TPO: variants seen among roughly 807,000 people sequenced by gnomAD.
TPO encodes the protein thyroid microsomal antigen.
TPO carries 78 observed loss-of-function variants against 96.9 expected under a neutral mutation model. The ratio of observed to expected loss-of-function variants is 0.81; its 90% CI spans 0.67 to 0.97. The LOEUF (loss-of-function observed/expected upper bound fraction) is 0.97. Among genes scored for constraint, TPO ranks in the 50% least tolerant of loss-of-function variants. The pLI is 0.00. For missense variants in TPO, 1,252 were observed against 1,274.8 expected, an observed-to-expected ratio of 0.98 and a Z score of 0.27; for synonymous variants, 547 against 538.0, an observed-to-expected ratio of 1.02 and a Z score of -0.23.
intron 1 of TPO, among the ~76,000 whole-genome samples, chr2:1,407,976 G>A (rs1662271636): frequency 6.6e-6 from 1 of 152,216 alleles, no homozygotes; most frequent in Non-Finnish European, 1.5e-5. Context: ...TTACAGGAAT[G>A]TGATGTGGAC....
chr2:1,484,467 C>G lies in TPO; in HGVS notation c.1339-129C>G. 5 of 1,203,310 alleles carry G rather than the reference C, an allele frequency of 4.2e-6. No homozygotes were observed. The Middle Eastern group carries it at 6.5e-4, about 155-fold the overall frequency. The allele number at this position is 1,203,310 out of a possible 1,614,324, so 74.5% of individuals were successfully genotyped here. ...CATTTCTGGGAAGTTCAGCTGAGGC[C>G]CTTATTACAAGACGAGAAGGGTCCA... On this transcript the variant is annotated intron_variant, in intron 8 of 16. Transcript: ENST00000329066.
intron 7 of TPO, among the ~76,000 whole-genome samples, chr2:1,464,176 C>G (rs1337522608): frequency 6.6e-6 from 1 of 152,176 alleles, no homozygotes; most frequent in South Asian, 2.1e-4. Context: ...AGTTACTTCA[C>G]TTAGAATAAT....
chr2:1,425,190 C>T (rs1191267080), intron 3 of TPO, among the ~76,000 whole-genome samples: 2 of 151,962 alleles, frequency 1.3e-5, no homozygotes, highest in African/African-American at 4.8e-5. Context: ...AGTCCATGCT[C>T]CTTCTGTAAA....
chr2:1,476,147 T>G (rs1669914779), intron 7 of TPO, among the ~76,000 whole-genome samples: 1 of 152,200 alleles, frequency 6.6e-6, no homozygotes, highest in South Asian at 2.1e-4. Context: ...TTTCCCCTTA[T>G]TTTCACTGGT....
chr2:1,519,443 G>A (rs1675028794), intron 15 of TPO, among the ~76,000 whole-genome samples: 1 of 152,140 alleles, frequency 6.6e-6, no homozygotes, highest in African/African-American at 2.4e-5. Context: ...ATCATTACCA[G>A]TGAAGATTGA....
At chr2:1,399,853 C>T (rs192292063) in intron 1 of TPO, among the ~76,000 whole-genome samples, 28 of 152,340 alleles carry the variant, frequency 1.8e-4, no homozygotes, top group African/African-American at 5.8e-4. Context: ...GGCACATCAA[C>T]GGGTGCACAG....
chr2:1,534,395 G>C (rs1200569606), intron 15 of TPO, among the ~76,000 whole-genome samples: 1 of 144,498 alleles, frequency 6.9e-6, no homozygotes, highest in South Asian at 2.2e-4. Context: ...CCAACTGTGT[G>C]CAACCTCCCC....
At chr2:1,418,154 G>A (rs1048916489) in intron 2 of TPO, among the ~76,000 whole-genome samples, 4 of 152,158 alleles carry the variant, frequency 2.6e-5, no homozygotes, top group African/African-American at 9.7e-5. Flanking sequence ...GGGCGTGGTG[G>A]TGCCCACCTG....
intron 1 of TPO, among the ~76,000 whole-genome samples, chr2:1,391,811 CTGTT>C (rs1445793785): frequency 3.3e-5 from 5 of 152,136 alleles, no homozygotes; most frequent in African/African-American, 9.7e-5. Flanking sequence ...ATTTGGCTCT[CTGTT>C]TGTCTGTTGT....
At chr2:1,478,413 C>T (rs890138807) in intron 8 of TPO, 56 of 983,786 alleles carry the variant, frequency 5.7e-5, no homozygotes, top group African/African-American at 1.7e-4. Context: ...GGGAGGTGCG[C>T]GTCAGTCCTG....
intron 15 of TPO, among the ~76,000 whole-genome samples, chr2:1,527,855 C>CGTA (rs1676970395): frequency 7.0e-6 from 1 of 141,928 alleles, no homozygotes; most frequent in Non-Finnish European, 1.5e-5. Flanking sequence ...CTCAAATCCC[C>CGTA]CCCACTGTGT....
intron 5 of TPO, among the ~76,000 whole-genome samples, chr2:1,445,223 T>C (rs1000682606): frequency 4.3e-5 from 6 of 138,910 alleles, no homozygotes; most frequent in East Asian, 2.3e-4. Flanking sequence ...AGTCACCATG[T>C]TGGAAGGGAA....
rs1678219548 is a variant in TPO at position 1,531,440 on chromosome 2, ACCTCCCCAAATCCCTCCCACTGTGTGCAG to A, written c.2619-9140_2619-9112del. On this transcript the variant is annotated intron_variant, in intron 15 of 16. Transcript: ENST00000329066. ...CCCCAAATCCCTCCCACTGTGAGCA[ACCTCCCCAAATCCCTCCCACTGTGTGCAG>A]CCTCCCCAAATCCTCCCGACTCTGT... 9.4e-5 allele frequency among the ~76,000 whole-genome samples: 5 copies of A among 53,236 alleles called. 2 individuals carry two copies. The highest frequency in any genetic ancestry group is 9.4e-4 in the Admixed American group (5 of 5,338). 34.9% of individuals were successfully genotyped at this position (53,236 alleles called of 152,430 possible). A position where few individuals can be genotyped will look rare whatever the true frequency, so the allele number is the denominator to read the frequency against.
At chr2:1,494,742 T>G (rs13430369) in intron 11 of TPO, among the ~76,000 whole-genome samples, 7,020 of 152,276 alleles carry the variant, frequency 0.046, 567 homozygotes, top group African/African-American at 0.16. Context: ...TGCTTTTAAA[T>G]ACATCCCTAC....
chr2:1,398,298 C>T (rs80113555), intron 1 of TPO, among the ~76,000 whole-genome samples: 3,740 of 152,304 alleles, frequency 0.025, 82 homozygotes, highest in Non-Finnish European at 0.042. Context: ...GGGCCCATCT[C>T]CTGACTGCCG....
intron 7 of TPO, among the ~76,000 whole-genome samples, chr2:1,467,686 A>G (rs1228686429): frequency 6.6e-6 from 1 of 152,044 alleles, no homozygotes; most frequent in Non-Finnish European, 1.5e-5. Flanking sequence ...AATGTTCTGT[A>G]AATACCTGTT....
intron 7 of TPO, among the ~76,000 whole-genome samples, chr2:1,460,605 C>A (rs1668339006): frequency 6.6e-6 from 1 of 152,134 alleles, no homozygotes; most frequent in Non-Finnish European, 1.5e-5. Flanking sequence ...TATTTCCCAC[C>A]TAATAATGTA....
chr2:1,472,646 G>A (rs1207316363), intron 7 of TPO, among the ~76,000 whole-genome samples: 1 of 152,030 alleles, frequency 6.6e-6, no homozygotes, highest in Non-Finnish European at 1.5e-5. Flanking sequence ...CTGCCACAGC[G>A]TGGATCACCA....
At chr2:1,531,252 C>A (rs1174258305) in intron 15 of TPO, among the ~76,000 whole-genome samples, 1 of 132,126 alleles carries the variant, frequency 7.6e-6, no homozygotes, top group Non-Finnish European at 1.6e-5. Context: ...CCTCATATTC[C>A]CCCCACTGTG....
Sources: gnomAD v4.1 joint callset for allele counts (sites outside exome capture counted in the v4.1 genomes callset) on GRCh38, gnomAD v4.1.1 for gene constraint, MANE v1.5 for transcripts, NCBI Gene and HGNC (gene_info 2026-07-23, HGNC 2026-07-21) for gene names.